Variants in JAK1 observed in about 807,000 individuals in gnomAD.
JAK1 encodes tyrosine-protein kinase JAK1.
Under a neutral mutation model 136.6 loss-of-function variants are expected in JAK1, and 16 were observed. The observed-to-expected ratio is 0.12, with a 90% CI of 0.08 to 0.18. The LOEUF is 0.18. JAK1 is among the 10% of genes least tolerant of loss of function. The pLI is 1.00. For synonymous variants in JAK1, 492 were observed against 519.5 expected (o/e 0.95, Z 0.72); for missense variants, 859 against 1,450.1 (o/e 0.59, Z 6.62).
chr1:65,054,637 G>A (rs1043063446), intron 1 of JAK1, among the ~76,000 whole-genome samples: 2 of 152,156 alleles, frequency 1.3e-5, no homozygotes, highest in Non-Finnish European at 2.9e-5. Flanking sequence ...GACGTGGGCA[G>A]TTGAGGCAAC....
At chr1:64,899,786 C>G (rs931385317) in intron 1 of JAK1, among the ~76,000 whole-genome samples, 3 of 152,202 alleles carry the variant, frequency 2.0e-5, no homozygotes, top group African/African-American at 7.2e-5. Flanking sequence ...TTTAGCTCCA[C>G]TTTCAATTTG....
chr1:64,866,536 G>T (rs1343659046), intron 7 of JAK1, among the ~76,000 whole-genome samples: 1 of 152,044 alleles, frequency 6.6e-6, no homozygotes, highest in Non-Finnish European at 1.5e-5. Flanking sequence ...TCCCTCAAAG[G>T]TTTTTTTATT....
intron 1 of JAK1, among the ~76,000 whole-genome samples, chr1:64,933,192 T>A (rs1645729234): frequency 6.6e-6 from 1 of 152,132 alleles, no homozygotes; most frequent in African/African-American, 2.4e-5. Flanking sequence ...CAAAACAAGG[T>A]ACAAAGAAGT....
intron 1 of JAK1, among the ~76,000 whole-genome samples, chr1:64,907,899 C>G (rs1037254778): frequency 6.6e-6 from 1 of 152,190 alleles, no homozygotes; most frequent in African/African-American, 2.4e-5. Context: ...AAACTGTATT[C>G]ATTAATTGAA....
At chr1:65,024,687 A>T (rs1240921177) in intron 2 of JAK1, among the ~76,000 whole-genome samples, 1 of 151,350 alleles carries the variant, frequency 6.6e-6, no homozygotes, top group African/African-American at 2.4e-5. Flanking sequence ...AAAAGAAAGA[A>T]AAAAAAAGGC....
intron 1 of JAK1, among the ~76,000 whole-genome samples, chr1:65,047,165 G>A (rs1456439601): frequency 6.6e-6 from 1 of 152,044 alleles, no homozygotes; most frequent in Non-Finnish European, 1.5e-5. Context: ...TCTAGCCTGG[G>A]TAAAACCCTG....
intron 2 of JAK1, among the ~76,000 whole-genome samples, chr1:65,042,136 C>T (rs956401971): frequency 6.6e-6 from 1 of 151,932 alleles, no homozygotes; most frequent in Non-Finnish European, 1.5e-5. Context: ...TAAAAAATAA[C>T]GAATTTTAAA....
intron 1 of JAK1, 127 bp downstream of exon 1, chr1:64,966,206 G>A (rs1201314535): frequency 6.6e-6 from 1 of 151,832 alleles, no homozygotes. Flanking sequence ...CTCAGGAGCA[G>A]CCCGGGCCGC....
intron 11 of JAK1, among the ~76,000 whole-genome samples, chr1:64,851,492 C>T (rs1655589836): frequency 6.6e-6 from 1 of 152,184 alleles, no homozygotes; most frequent in Admixed American, 6.5e-5. Flanking sequence ...GCAGGAGACC[C>T]ATAACAGTGC....
At chr1:65,010,679 C>A (rs543216529) in intron 2 of JAK1, among the ~76,000 whole-genome samples, 7 of 152,296 alleles carry the variant, frequency 4.6e-5, no homozygotes, top group Non-Finnish European at 8.8e-5. Flanking sequence ...TACAAATATT[C>A]TTTATTTAAA....
chr1:65,031,556 A>G (rs938862631), intron 2 of JAK1, among the ~76,000 whole-genome samples: 1 of 152,242 alleles, frequency 6.6e-6, no homozygotes, highest in African/African-American at 2.4e-5. Flanking sequence ...AAGTCAAACA[A>G]CTACAAAAAG....
chr1:64,976,951 G>A (rs1646501838), intron 2 of JAK1, among the ~76,000 whole-genome samples: 1 of 152,064 alleles, frequency 6.6e-6, no homozygotes, highest in Non-Finnish European at 1.5e-5. Context: ...CTGAGCTCCA[G>A]AAATAGCTAT....
chr1:64,910,288 C>T (rs1645260867), intron 1 of JAK1, among the ~76,000 whole-genome samples: 1 of 151,970 alleles, frequency 6.6e-6, no homozygotes, highest in Admixed American at 6.6e-5. Flanking sequence ...CTGCTTTCCA[C>T]ATAGACATTA....
At chr1:64,863,566 A>T (rs1289111700) in intron 8 of JAK1, among the ~76,000 whole-genome samples, 1 of 152,218 alleles carries the variant, frequency 6.6e-6, no homozygotes, top group Non-Finnish European at 1.5e-5. Context: ...AGAATAAGAA[A>T]ATTAAAACCA....
intron 1 of JAK1, chr1:64,918,649 T>C: frequency 5.2e-6 from 1 of 191,398 alleles, no homozygotes; most frequent in South Asian, 9.5e-5. Context: ...TGAATGTGGA[T>C]TACAGTAAAC....
At chr1:65,046,538 T>A (rs1371823884) in intron 1 of JAK1, among the ~76,000 whole-genome samples, 3 of 152,198 alleles carry the variant, frequency 2.0e-5, no homozygotes, top group African/African-American at 7.2e-5. Context: ...TTCAGCTTGA[T>A]ACAAAGAATT....
chr1:64,968,378 G>A (rs534639252), upstream of JAK1, among the ~76,000 whole-genome samples: 5 of 152,248 alleles, frequency 3.3e-5, no homozygotes, highest in South Asian at 1.0e-3. Context: ...GTGATTCCCG[G>A]TCCTGTAATG....
At chr1:64,913,165 G>A (rs547158061) in intron 1 of JAK1, among the ~76,000 whole-genome samples, 22 of 152,230 alleles carry the variant, frequency 1.4e-4, no homozygotes, top group African/African-American at 4.6e-4. Flanking sequence ...GAGACTACAG[G>A]CGTGCACACC....
At chr1:64,851,278 ACTGT>A (rs1283433205) in intron 11 of JAK1, among the ~76,000 whole-genome samples, 1 of 152,172 alleles carries the variant, frequency 6.6e-6, no homozygotes, top group Non-Finnish European at 1.5e-5. Context: ...GAAGTCAGAG[ACTGT>A]CTATCTTATT....
Sources: allele counts gnomAD v4.1 joint callset (sites outside exome capture counted in the v4.1 genomes callset), GRCh38; gene constraint gnomAD v4.1.1; transcripts MANE v1.5; gene names NCBI Gene and HGNC (gene_info 2026-07-23, HGNC 2026-07-21).